TIAM1: variants seen among roughly 807,000 people sequenced by gnomAD.
TIAM1 encodes rho guanine nucleotide exchange factor TIAM1.
Under a neutral mutation model 163.5 loss-of-function variants are expected in TIAM1, and 65 were observed. That is an observed-to-expected ratio of 0.40 (90% CI 0.33 to 0.49). TIAM1 has a LOEUF of 0.49. Ranked by LOEUF, TIAM1 falls within the 20% of genes least tolerant of loss-of-function variation. The probability of loss-of-function intolerance (pLI) is 0.77; values close to 1 mark genes in which losing one functional copy is unlikely to be tolerated. For synonymous variants in TIAM1, 833 were observed against 810.1 expected (o/e 1.03, Z -0.48); for missense variants, 1,789 against 2,044.7 (o/e 0.87, Z 2.41).
intron 3 of TIAM1, among the ~76,000 whole-genome samples, chr21:31,269,260 TATATTA>T (rs2072938811): frequency 6.6e-6 from 1 of 152,214 alleles, no homozygotes; most frequent in Admixed American, 6.5e-5. Flanking sequence ...ATGGGTCTGT[TATATTA>T]ATAGCATTTT....
chr21:31,458,284 G>C (rs556933029), intron 2 of TIAM1, among the ~76,000 whole-genome samples: 1 of 152,168 alleles, frequency 6.6e-6, no homozygotes, highest in Admixed American at 6.5e-5. Context: ...CTGGGCATAG[G>C]GGGCGGGCGC....
rs140457561 is a variant in TIAM1, at chr21:31,432,298, A to G, written c.-369+31685T>C. Among the ~76,000 whole-genome samples the G allele has an allele frequency of 5.4e-3, 826 of 152,006 alleles. 3 individuals are homozygous for G. The highest frequency in any genetic ancestry group is 0.01 in the Middle Eastern group (3 of 294). On this transcript the variant is annotated intron_variant, in intron 2 of 28. Coordinates refer to the TIAM1 transcript ENST00000286827. Reference sequence around the variant, plus strand: ...GTATTTTTAGTGGAGACAGGATTTCACTATGTTGGCCAGCATGGTCTCGAT... The same window carrying G: ...GTATTTTTAGTGGAGACAGGATTTCGCTATGTTGGCCAGCATGGTCTCGAT...
chr21:31,316,834 GT>G lies in TIAM1; in HGVS notation c.-189+22408del, dbSNP rs2075138736. On this transcript the variant is annotated intron_variant, in intron 2 of 27. Transcript: ENST00000541036. ...AATCCAGGCCTCTGGGGAAGTCAAG[GT>G]TGGACCACCGTGGATCGTGAGGTAA... Among the ~76,000 whole-genome samples, 5 of 152,096 alleles carry G rather than the reference GT, an allele frequency of 3.3e-5. 1 individual carries two copies. Among genetic ancestry groups the G allele is most frequent in the Admixed American group, 3.3e-4 (5 of 15,276 alleles).
At chr21:31,264,299 C>T (rs1211135108) in intron 4 of TIAM1, among the ~76,000 whole-genome samples, 1 of 152,138 alleles carries the variant, frequency 6.6e-6, no homozygotes, top group Non-Finnish European at 1.5e-5. Flanking sequence ...TTGGAGTCCC[C>T]AGTGTCTACT....
chr21:31,232,982 A>G, intron 6 of TIAM1, among the ~76,000 whole-genome samples: 1 of 152,208 alleles, frequency 6.6e-6, no homozygotes, highest in East Asian at 1.9e-4. Context: ...AAAAAAATGC[A>G]TTTTGCATAA....
At chr21:31,530,077 T>G (rs77241378) in intron 1 of TIAM1, among the ~76,000 whole-genome samples, 2 of 152,204 alleles carry the variant, frequency 1.3e-5, no homozygotes, top group Non-Finnish European at 2.9e-5. Flanking sequence ...AGGAGGAACT[T>G]AACTCCTTTC....
At chr21:31,359,805 A>AAAGGAAGGAAGGAAGGAAGGAAGG (rs767750965) in intron 2 of TIAM1, among the ~76,000 whole-genome samples, 7 of 90,736 alleles carry the variant, frequency 7.7e-5, no homozygotes, top group South Asian at 5.6e-4. Context: ...AAAGAAAGAA[A>AAAGGAAGGAAGGAAGGAAGGAAGG]AAGGAAGGAA....
At chr21:31,442,070 A>ATATATAT (rs2044441960) in intron 2 of TIAM1, among the ~76,000 whole-genome samples, 6 of 53,226 alleles carry the variant, frequency 1.1e-4, no homozygotes, top group Non-Finnish European at 2.3e-4. Flanking sequence ...CAAATAAATA[A>ATATATAT]ATATATATAT....
chr21:31,431,336 G>A (rs2147279477), intron 2 of TIAM1, among the ~76,000 whole-genome samples: 1 of 152,254 alleles, frequency 6.6e-6, no homozygotes, highest in South Asian at 2.1e-4. Flanking sequence ...CTAGTTGTTG[G>A]GCTATACCCC....
chr21:31,205,326 G>A (rs1416000390), intron 11 of TIAM1, among the ~76,000 whole-genome samples: 1 of 152,120 alleles, frequency 6.6e-6, no homozygotes, highest in East Asian at 1.9e-4. Context: ...CTTAGTAACA[G>A]GAACAAATTC....
At position 31,180,411 on chromosome 21, in the gene TIAM1, C is replaced by G. The variant is rs138458786; in HGVS notation, c.2887+2010G>C. ...CAACTCTGCCATTACAGAAGGAAAACAGCCAGAGACAAGGTGTAAATGAAT... is the reference window on the plus strand; with the variant it reads ...CAACTCTGCCATTACAGAAGGAAAAGAGCCAGAGACAAGGTGTAAATGAAT... On this transcript the variant is annotated intron_variant, in intron 15 of 27. Coordinates refer to ENST00000541036, the MANE Select transcript of TIAM1 (RefSeq NM_001353694.2). Among the ~76,000 whole-genome samples, 92 of 152,238 alleles carry G rather than the reference C, an allele frequency of 6.0e-4. 1 individual carries two copies. Among genetic ancestry groups the G allele is most frequent in the Middle Eastern group, 3.4e-3 (1 of 292 alleles).
At chr21:31,406,919 T>C (rs1183537836) in intron 2 of TIAM1, among the ~76,000 whole-genome samples, 3 of 152,164 alleles carry the variant, frequency 2.0e-5, no homozygotes, top group African/African-American at 7.2e-5. Context: ...ACACCAGACA[T>C]ACCAATAACA....
In TIAM1 at chr21:31,367,079, A is replaced by AT. The variant is rs1490358224; in HGVS notation, c.-368-27658dup. 2.0e-5 allele frequency among the ~76,000 whole-genome samples: 3 copies of AT among 150,802 alleles called. No individual in the cohort carries two copies. In the East Asian group the frequency reaches 6.0e-4, roughly 30 times the overall value. ...AAATAGCTCCAGAAACATAATTGCAATCCCAGGCAGGAAGCCAGGCAGGCA... is the reference window on the plus strand; with the variant it reads ...AAATAGCTCCAGAAACATAATTGCAATTCCCAGGCAGGAAGCCAGGCAGGCA... On this transcript the variant is annotated intron_variant, in intron 2 of 28. Transcript: ENST00000286827.
At chr21:31,165,304 C>G (rs930775622) in intron 15 of TIAM1, among the ~76,000 whole-genome samples, 3 of 152,100 alleles carry the variant, frequency 2.0e-5, no homozygotes, top group African/African-American at 7.2e-5. Flanking sequence ...GATTGAATGT[C>G]TTTGTCTCCC....
At chr21:31,206,390 CT>C (rs565517955) in intron 11 of TIAM1, among the ~76,000 whole-genome samples, 245 of 152,298 alleles carry the variant, frequency 1.6e-3, no homozygotes, top group African/African-American at 5.4e-3. Flanking sequence ...CAGAATACAT[CT>C]TTGTGCAAAG....
chr21:31,124,890 T>C (rs560651504), intron 26 of TIAM1, among the ~76,000 whole-genome samples, 196 bp from the exon 27 acceptor site: 1 of 152,334 alleles, frequency 6.6e-6, no homozygotes, highest in South Asian at 2.1e-4. Context: ...CTTCATGCTT[T>C]GTGATCTATC....
intron 2 of TIAM1, among the ~76,000 whole-genome samples, chr21:31,428,986 C>T (rs2043899943): frequency 6.7e-6 from 1 of 149,256 alleles, no homozygotes; most frequent in Non-Finnish European, 1.5e-5. Flanking sequence ...AGAATTGATA[C>T]AACCTAACTT....
chr21:31,554,314 T>C (rs1383789682), intron 1 of TIAM1, among the ~76,000 whole-genome samples: 1 of 152,192 alleles, frequency 6.6e-6, no homozygotes, highest in Non-Finnish European at 1.5e-5. Flanking sequence ...CCTTTGCTCT[T>C]TAATAAAATC....
chr21:31,333,639 T>G (rs2075750100), intron 2 of TIAM1, among the ~76,000 whole-genome samples: 1 of 152,148 alleles, frequency 6.6e-6, no homozygotes. Flanking sequence ...GAGCCCTCAC[T>G]TTATTGCCCA....
Sources: gnomAD v4.1 joint callset for allele counts (sites outside exome capture counted in the v4.1 genomes callset) on GRCh38, gnomAD v4.1.1 for gene constraint, MANE v1.5 for transcripts, NCBI Gene and HGNC (gene_info 2026-07-23, HGNC 2026-07-21) for gene names.